Variants in UBE2D2 observed in about 807,000 individuals in gnomAD.
The protein encoded by UBE2D2 is ubiquitin conjugating enzyme E2 D2.
UBE2D2 carries 2 observed loss-of-function variants against 24.2 expected under a neutral mutation model. The ratio of observed to expected loss-of-function variants is 0.08; its 90% confidence interval spans 0.03 to 0.26. The LOEUF (loss-of-function observed/expected upper bound fraction) is 0.26, where lower values mean the gene tolerates loss of function less well. Ranked by LOEUF, UBE2D2 falls within the 10% of genes least tolerant of loss-of-function variation. UBE2D2 has a pLI of 1.00. For synonymous variants in UBE2D2, 58 were observed against 56.5 expected (o/e 1.03, Z -0.12); for missense variants, 44 against 177.6 (o/e 0.25, Z 4.28).
intron 1 of UBE2D2, among the ~76,000 whole-genome samples, chr5:139,548,993 C>G (rs180759265): frequency 3.9e-5 from 6 of 151,944 alleles, no homozygotes; most frequent in Admixed American, 3.9e-4. Flanking sequence ...GGATTACAGG[C>G]GCGTGCCACC....
At chr5:139,582,194 G>C (rs566525500) in intron 1 of UBE2D2, among the ~76,000 whole-genome samples, 129 of 152,040 alleles carry the variant, frequency 8.5e-4, no homozygotes, top group Admixed American at 2.0e-3. Context: ...GTCTAGGCTG[G>C]TGTTGAACTC....
At chr5:139,598,025 C>T (rs1177207174) in intron 1 of UBE2D2, among the ~76,000 whole-genome samples, 1 of 152,152 alleles carries the variant, frequency 6.6e-6, no homozygotes, top group Non-Finnish European at 1.5e-5. Flanking sequence ...CCTCAGCCTC[C>T]CGAGTAGCTG....
intron 1 of UBE2D2, among the ~76,000 whole-genome samples, chr5:139,591,139 A>T: frequency 8.4e-6 from 1 of 119,130 alleles, no homozygotes; most frequent in South Asian, 2.6e-4. Context: ...TTTTTTTTTT[A>T]AGACGGAGTT....
At chr5:139,549,172 G>A (rs1425744043) in intron 1 of UBE2D2, among the ~76,000 whole-genome samples, 1 of 152,150 alleles carries the variant, frequency 6.6e-6, no homozygotes, top group African/African-American at 2.4e-5. Context: ...CTAAACCACT[G>A]AGAGGTGACA....
At chr5:139,591,202 C>G (rs1753840019) in intron 1 of UBE2D2, among the ~76,000 whole-genome samples, 1 of 151,128 alleles carries the variant, frequency 6.6e-6, no homozygotes, top group Admixed American at 6.6e-5. Context: ...CTCACCATAA[C>G]CTGCACTTCC....
At position 139,626,841 on chromosome 5, in the gene UBE2D2, G is replaced by A; in HGVS notation, c.*40G>A. 6.4e-7 allele frequency: 1 copy of A among 1,561,036 alleles called. No individual in the cohort carries two copies. The highest frequency in any genetic ancestry group is 8.8e-7 in the Non-Finnish European group (1 of 1,138,136). On this transcript the variant is annotated 3_prime_UTR_variant, in exon 7 of 7. Coordinates refer to ENST00000398733, the MANE Select transcript of UBE2D2 (RefSeq NM_003339.3). ...GGATAACCTCTACAAATAAAGATAG[G>A]GGAACTCTGAAAGAGAAAGTCCTTT... is the stretch of plus-strand genomic sequence containing the variant.
intron 5 of UBE2D2, among the ~76,000 whole-genome samples, chr5:139,619,818 G>A (rs1419887620): frequency 1.3e-5 from 2 of 151,658 alleles, no homozygotes; most frequent in Non-Finnish European, 2.9e-5. Context: ...AGCTGGGATC[G>A]CGCCATTGCA....
At chr5:139,613,831 G>A (rs1467064421) in intron 2 of UBE2D2, among the ~76,000 whole-genome samples, 2 of 152,122 alleles carry the variant, frequency 1.3e-5, no homozygotes, top group African/African-American at 4.8e-5. Context: ...TTGGGAGGCT[G>A]AGGTGGGTGG....
chr5:139,577,404 CTT>C (rs869189901), intron 1 of UBE2D2, among the ~76,000 whole-genome samples: 815 of 69,066 alleles, frequency 0.012, 1 homozygote, highest in Middle Eastern at 0.025. Context: ...TAGCATCTCT[CTT>C]TTTTTTTTTT....
chr5:139,624,274 AAAG>A (rs1754571437), intron 6 of UBE2D2, among the ~76,000 whole-genome samples: 1 of 152,182 alleles, frequency 6.6e-6, no homozygotes, highest in South Asian at 2.1e-4. Context: ...CAAGATATCA[AAAG>A]AGATAGTAGC....
At chr5:139,589,279 C>T (rs1235364931) in intron 1 of UBE2D2, among the ~76,000 whole-genome samples, 3 of 152,030 alleles carry the variant, frequency 2.0e-5, no homozygotes, top group Admixed American at 2.0e-4. Context: ...AAAAAATAGC[C>T]CGGGCACGGT....
chr5:139,568,047 A>T (rs544444602), intron 1 of UBE2D2, among the ~76,000 whole-genome samples: 1 of 152,314 alleles, frequency 6.6e-6, no homozygotes, highest in East Asian at 1.9e-4. Flanking sequence ...ACTGTATTTT[A>T]AAAAATTGCT....
chr5:139,585,215 T>G (rs1753705080), intron 1 of UBE2D2, among the ~76,000 whole-genome samples: 1 of 149,720 alleles, frequency 6.7e-6, no homozygotes, highest in Non-Finnish European at 1.5e-5. Flanking sequence ...CAGGTCTTTT[T>G]TTTTTTTTTT....
At chr5:139,560,875 G>C (rs760806904), upstream of UBE2D2, among the ~76,000 whole-genome samples, 4 of 152,124 alleles carry the variant, frequency 2.6e-5, no homozygotes, top group Admixed American at 2.0e-4. Flanking sequence ...GCAGGTGCCC[G>C]AGCTGTAGCC....
At chr5:139,584,535 T>TTTTTC (rs1554078455) in intron 1 of UBE2D2, among the ~76,000 whole-genome samples, 5 of 147,326 alleles carry the variant, frequency 3.4e-5, no homozygotes, top group Non-Finnish European at 6.0e-5. Flanking sequence ...TTTCTTTTCT[T>TTTTTC]TTTTTTTTTT....
intron 2 of UBE2D2, among the ~76,000 whole-genome samples, chr5:139,605,098 C>T (rs576774058): frequency 2.0e-4 from 30 of 152,228 alleles, no homozygotes; most frequent in African/African-American, 7.0e-4. Context: ...CTCAGTACCA[C>T]ATGTTATTGA....
intron 1 of UBE2D2, among the ~76,000 whole-genome samples, chr5:139,549,411 G>A (rs547734065): frequency 4.5e-4 from 68 of 152,316 alleles, no homozygotes; most frequent in African/African-American, 1.5e-3. Flanking sequence ...TTCCGGGTGC[G>A]CGGGGTCTTG....
At chr5:139,552,027 G>A (rs1482910346) in intron 1 of UBE2D2, among the ~76,000 whole-genome samples, 3 of 152,184 alleles carry the variant, frequency 2.0e-5, no homozygotes, top group Non-Finnish European at 4.4e-5. Flanking sequence ...CAAAAGGAAT[G>A]TAAAATCAAG....
intron 1 of UBE2D2, among the ~76,000 whole-genome samples, chr5:139,572,521 A>T (rs1438184538): frequency 6.6e-6 from 1 of 152,122 alleles, no homozygotes; most frequent in East Asian, 1.9e-4. Context: ...GCTTGAGCCC[A>T]GGAGTTTAAG....
Sources: gnomAD v4.1 joint callset for allele counts (sites outside exome capture counted in the v4.1 genomes callset) on GRCh38, gnomAD v4.1.1 for gene constraint, MANE v1.5 for transcripts, NCBI Gene and HGNC (gene_info 2026-07-23, HGNC 2026-07-21) for gene names.